The following PCDHGB4 variants were observed in gnomAD, a reference collection of about 807,000 sequenced individuals.
PCDHGB4 encodes protocadherin gamma subfamily B, 4.
Under a neutral mutation model 60.5 loss-of-function variants are expected in PCDHGB4, and 38 were observed. The observed-to-expected ratio is 0.63, with a 90% CI of 0.48 to 0.82. PCDHGB4 has a LOEUF of 0.82. Ranked by LOEUF, PCDHGB4 falls within the 40% of genes least tolerant of loss-of-function variation. The pLI is 0.00. For synonymous variants in PCDHGB4, 456 were observed against 509.7 expected (o/e 0.89, Z 1.42); for missense variants, 1,109 against 1,209.6 (o/e 0.92, Z 1.23).
Position 141,478,294 on chromosome 5 carries a change from A to G in PCDHGB4, c.2398-16513A>G, listed in dbSNP as rs147994096. The G allele has an allele frequency of 3.6e-3, 5,805 of 1,614,110 alleles. 30 individuals are homozygous for G. Among genetic ancestry groups the G allele is most frequent in the Non-Finnish European group, 3.4e-3 (4,026 of 1,180,032 alleles). The stretch of plus-strand genomic sequence containing the variant: ...ACAAGTGGAAGCAGTCTAGAGACCT[A>G]TACCGAGCCCCGGTGAGCTCACTGT... On this transcript the variant is annotated intron_variant, in intron 1 of 3. Coordinates refer to ENST00000519479, the MANE Select transcript of PCDHGB4 (RefSeq NM_003736.4).
intron 2 of PCDHGB4, among the ~76,000 whole-genome samples, chr5:141,498,371 C>T (rs188547878): frequency 6.6e-6 from 1 of 151,838 alleles, no homozygotes; most frequent in Admixed American, 6.6e-5. Flanking sequence ...TGTGGTGAGG[C>T]CTCCTGGGAT....
Position 141,432,123 on chromosome 5 carries a change from C to G in PCDHGB4, c.2397+41842C>G, listed in dbSNP as rs1224794803. On this transcript the variant is annotated intron_variant, in intron 1 of 3. Transcript: ENST00000519479. This position sits in a 1 kb window ranked among gnomAD's most constrained non-coding sequence, Gnocchi z 6.0. ...GACAACCCGCCGGTCTTCCCTCAGG[C>G]CTCCTATTCCGCTTATATCCCAGAG... 1 of 1,614,172 alleles carries G rather than the reference C, an allele frequency of 6.2e-7. No homozygotes were observed. Among genetic ancestry groups the G allele is most frequent in the Admixed American group, 1.7e-5 (1 of 60,022 alleles).
In PCDHGB4 at chr5:141,485,935, C is replaced by T. The variant is rs2099621642; in HGVS notation, c.2398-8872C>T. The T allele has an allele frequency of 6.2e-7, 1 of 1,614,026 alleles. No homozygotes were observed. Among genetic ancestry groups the T allele is most frequent in the Non-Finnish European group, 8.5e-7 (1 of 1,180,038 alleles). On this transcript the variant is annotated intron_variant, in intron 1 of 3. Coordinates refer to ENST00000519479, the MANE Select transcript of PCDHGB4 (RefSeq NM_003736.4). The surrounding 1 kb of genome is among the most constrained non-coding windows in gnomAD (Gnocchi z 5.7). Reference sequence around the variant, plus strand: ...GCTACAGGATTAGTGTGTTGGAGAGCGCACCAGCGGGCATGGTGCTCATCC... The same window carrying T: ...GCTACAGGATTAGTGTGTTGGAGAGTGCACCAGCGGGCATGGTGCTCATCC...
rs2097456240 is a variant in PCDHGB4, at chr5:141,432,134, G to T, written c.2397+41853G>T. 3 of 1,613,756 alleles carry T rather than the reference G, an allele frequency of 1.9e-6. No individual in the cohort carries two copies. The highest frequency in any genetic ancestry group is 1.3e-5 in the African/African-American group (1 of 74,800). On this transcript the variant is annotated intron_variant, in intron 1 of 3. Coordinates refer to ENST00000519479, the MANE Select transcript of PCDHGB4 (RefSeq NM_003736.4). This position sits in a 1 kb window ranked among gnomAD's most constrained non-coding sequence, Gnocchi z 6.0. The stretch of plus-strand genomic sequence containing the variant: ...GGTCTTCCCTCAGGCCTCCTATTCC[G>T]CTTATATCCCAGAGAACAATCCCAG...
intron 1 of PCDHGB4, chr5:141,421,492 G>C: frequency 1.7e-5 from 28 of 1,614,106 alleles, no homozygotes; most frequent in Non-Finnish European, 2.3e-5. Flanking sequence ...GATCACGGCA[G>C]GCAGGATAGA....
At chr5:141,423,940 G>T in intron 1 of PCDHGB4, 1 of 1,217,216 alleles carries the variant, frequency 8.2e-7, no homozygotes, top group Non-Finnish European at 1.0e-6. Context: ...TTTGAAGTAA[G>T]TTGAATTTTA....
chr5:141,491,381 C>A lies in PCDHGB4; in HGVS notation c.2398-3426C>A. On this transcript the variant is annotated intron_variant, in intron 1 of 3. Transcript: ENST00000519479. This position sits in a 1 kb window ranked among gnomAD's most constrained non-coding sequence, Gnocchi z 6.9. ...CTAGTCACCTTCACCTTTCTGTCAGCGAAGTGCCTTCAGGGAAACGCAGAC... is the reference window on the plus strand; with the variant it reads ...CTAGTCACCTTCACCTTTCTGTCAGAGAAGTGCCTTCAGGGAAACGCAGAC... 2 of 1,614,068 alleles carry A rather than the reference C, an allele frequency of 1.2e-6. No homozygotes were observed. The highest frequency in any genetic ancestry group is 1.7e-6 in the Non-Finnish European group (2 of 1,179,950).
Position 141,490,486 on chromosome 5 carries a change from G to A in PCDHGB4, c.2398-4321G>A, listed in dbSNP as rs1187388706. The A allele has an allele frequency of 1.2e-6, 2 of 1,614,090 alleles. No individual in the cohort carries two copies. On this transcript the variant is annotated intron_variant, in intron 1 of 3. Transcript: ENST00000519479. The surrounding 1 kb of genome is among the most constrained non-coding windows in gnomAD (Gnocchi z 5.4). ...AACCAGCCAGCCTTTGGACCGGGAG[G>A]CCACATCCCACTATATCATCGAGCT...
rs202006594 is a variant in PCDHGB4, at chr5:141,477,618, C to A, written c.2398-17189C>A. 15 of 1,614,176 alleles carry A rather than the reference C, an allele frequency of 9.3e-6. No homozygotes were observed. The African/African-American group carries it at 1.3e-4, about 14-fold the overall frequency. ...TCTTTCTTTCTCTTGGAGCAAGGAGCTGAAACCGGGCTAGTGGGTCGCTAT... is the reference window on the plus strand; with the variant it reads ...TCTTTCTTTCTCTTGGAGCAAGGAGATGAAACCGGGCTAGTGGGTCGCTAT... On this transcript the variant is annotated intron_variant, in intron 1 of 3. Coordinates refer to ENST00000519479, the MANE Select transcript of PCDHGB4 (RefSeq NM_003736.4). The surrounding 1 kb of genome is among the most constrained non-coding windows in gnomAD (Gnocchi z 4.9).
At position 141,487,665 on chromosome 5, in the gene PCDHGB4, G is replaced by C. The variant is rs373971935; in HGVS notation, c.2398-7142G>C. 2.1e-5 allele frequency: 34 copies of C among 1,612,724 alleles called. No homozygotes were observed. In the South Asian group the frequency reaches 3.4e-4, roughly 16 times the overall value. ...ATGCTTGAGGGTTATTCTGATCCAG[G>C]CATATGGCTAGGCCATGTCCTAGAG... On this transcript the variant is annotated intron_variant, in intron 1 of 3. Transcript: ENST00000519479. The surrounding 1 kb of genome is among the most constrained non-coding windows in gnomAD (Gnocchi z 5.0).
chr5:141,435,409 G>A (rs1387678336), intron 1 of PCDHGB4, among the ~76,000 whole-genome samples: 1 of 152,066 alleles, frequency 6.6e-6, no homozygotes, highest in African/African-American at 2.4e-5. Context: ...AAATGGTAAA[G>A]ACTATTTTTC....
chr5:141,404,021 A>G, intron 1 of PCDHGB4: 1 of 1,613,894 alleles, frequency 6.2e-7, no homozygotes, highest in Non-Finnish European at 8.5e-7. Flanking sequence ...TAGCCCAGTG[A>G]GAGAAGACGC....
chr5:141,404,945 G>A (rs753544983), intron 1 of PCDHGB4: 6 of 1,613,952 alleles, frequency 3.7e-6, no homozygotes, highest in Non-Finnish European at 5.1e-6. Flanking sequence ...AGTAGCCATA[G>A]CTGACAGCAT....
intron 1 of PCDHGB4, among the ~76,000 whole-genome samples, chr5:141,482,526 C>T (rs1198022164): frequency 1.5e-5 from 1 of 68,582 alleles, no homozygotes; most frequent in African/African-American, 9.7e-5. Flanking sequence ...ATGAGACAGA[C>T]ATGCAAAAAA....
Position 141,474,403 on chromosome 5 carries a change from C to T in PCDHGB4, c.2398-20404C>T, listed in dbSNP as rs553745731. ...ATTTCTGCATTTCTAACAAGCTCCC[C>T]GGTGATGCCTAGACCATTGGTCCTC... is the stretch of plus-strand genomic sequence containing the variant. On this transcript the variant is annotated intron_variant, in intron 1 of 3. Coordinates refer to ENST00000519479, the MANE Select transcript of PCDHGB4 (RefSeq NM_003736.4). Among the ~76,000 whole-genome samples, 121 of 152,282 alleles carry T rather than the reference C, an allele frequency of 7.9e-4. 1 individual carries two copies. Among genetic ancestry groups the T allele is most frequent in the Admixed American group, 3.9e-3 (59 of 15,292 alleles).
chr5:141,502,087 C>T (rs1289663374), intron 2 of PCDHGB4, among the ~76,000 whole-genome samples: 1 of 152,180 alleles, frequency 6.6e-6, no homozygotes, highest in Admixed American at 6.5e-5. Context: ...GGGCTGAGAA[C>T]ACCTGGCCTT....
chr5:141,481,856 G>A (rs1402368786), intron 1 of PCDHGB4, among the ~76,000 whole-genome samples: 1 of 149,156 alleles, frequency 6.7e-6, no homozygotes, highest in Admixed American at 6.8e-5. Flanking sequence ...GGAGGTTGCA[G>A]TGAGCCGAGA....
At position 141,389,363 on chromosome 5, in the gene PCDHGB4, C is replaced by T. The variant is rs776814041; in HGVS notation, c.1479C>T (p.Asp493=). Residue 493 remains aspartate, a synonymous_variant, in exon 1 of 4, where the codon GAC becomes GAT. Transcript: ENST00000519479. ...TCTCTTACTGCATCATGGCCAGTGACCTGGAGCAGCGGGAGCTGTCATCCT... is the reference window on the plus strand; with the variant it reads ...TCTCTTACTGCATCATGGCCAGTGATCTGGAGCAGCGGGAGCTGTCATCCT... ...GQVSYCIMAS[D]LEQRELSSYV... The T allele has an allele frequency of 1.2e-6, 2 of 1,613,868 alleles. No homozygotes were observed. The highest frequency in any genetic ancestry group is 2.2e-5 in the South Asian group (2 of 91,090).
At chr5:141,483,917 T>A (rs565465724) in intron 1 of PCDHGB4, among the ~76,000 whole-genome samples, 2 of 151,262 alleles carry the variant, frequency 1.3e-5, no homozygotes, top group South Asian at 4.2e-4. Context: ...CCCACTCAGA[T>A]TGCAGGTCGT....
Sources: gnomAD v4.1 joint callset for allele counts (sites outside exome capture counted in the v4.1 genomes callset) on GRCh38, gnomAD v4.1.1 for gene constraint, Gnocchi (gnomAD v3.1) non-coding constraint, MANE v1.5 for transcripts, NCBI Gene and HGNC (gene_info 2026-07-23, HGNC 2026-07-21) for gene names.